Variants in CHST8 observed in about 807,000 individuals in gnomAD.
The protein encoded by CHST8 is carbohydrate sulfotransferase 8.
CHST8 carries 10 observed loss-of-function variants against 15.0 expected under a neutral mutation model. The observed-to-expected ratio is 0.67, with a 90% CI of 0.41 to 1.13. CHST8 has a LOEUF of 1.13. Ranked by LOEUF, CHST8 falls within the 50% of genes most tolerant of loss-of-function variation. CHST8 has a pLI of 0.00. For missense variants in CHST8, 634 were observed against 608.2 expected (o/e 1.04, Z -0.45); for synonymous variants, 259 against 256.6 (o/e 1.01, Z -0.09).
intron 3 of CHST8, among the ~76,000 whole-genome samples, chr19:33,762,873 T>TG (rs200939441): frequency 0.12 from 18,084 of 151,418 alleles, 1,239 homozygotes; most frequent in Admixed American, 0.15. Flanking sequence ...TCTTTTTTTT[T>TG]TTTTTTGAGA....
intron 1 of CHST8, among the ~76,000 whole-genome samples, chr19:33,632,679 C>T (rs1972137222): frequency 6.6e-6 from 1 of 152,104 alleles, no homozygotes. Flanking sequence ...CCCATGACCT[C>T]TTCCAGTCAT....
chr19:33,767,489 C>T (rs76425942), intron 3 of CHST8, among the ~76,000 whole-genome samples: 5,113 of 152,320 alleles, frequency 0.034, 254 homozygotes, highest in African/African-American at 0.11. Flanking sequence ...TTCAGCTAAA[C>T]GCTGAGAACT....
rs569689758 is a variant in CHST8, at chr19:33,661,651, G to T, written c.-163-6116G>T. Among the ~76,000 whole-genome samples, 6 of 152,196 alleles carry T rather than the reference G, an allele frequency of 3.9e-5. No homozygotes were observed. In the South Asian group the frequency reaches 6.2e-4, roughly 16 times the overall value. ...CAGTTCCTGCCCCCACTGCACGGGGGACCCTTGCTCCTTTGGCTCCCCCTG... is the reference window on the plus strand; with the variant it reads ...CAGTTCCTGCCCCCACTGCACGGGGTACCCTTGCTCCTTTGGCTCCCCCTG... On this transcript the variant is annotated intron_variant, in intron 1 of 4. Coordinates refer to ENST00000650847, the MANE Select transcript of CHST8 (RefSeq NM_001127895.2).
chr19:33,657,704 G>C (rs1972530140), intron 1 of CHST8, among the ~76,000 whole-genome samples: 1 of 151,932 alleles, frequency 6.6e-6, no homozygotes, highest in South Asian at 2.1e-4. Flanking sequence ...AAATAGCTGG[G>C]AATACAGGCA....
chr19:33,739,439 T>C (rs952355052), intron 3 of CHST8, among the ~76,000 whole-genome samples: 2 of 152,238 alleles, frequency 1.3e-5, no homozygotes, highest in African/African-American at 4.8e-5. Flanking sequence ...GATTTCATCA[T>C]CCTCAGATAT....
intron 3 of CHST8, among the ~76,000 whole-genome samples, chr19:33,757,448 A>AAG (rs1568358414): frequency 3.2e-5 from 1 of 30,774 alleles, no homozygotes; most frequent in African/African-American, 1.3e-4. Flanking sequence ...GAAAGAAAGA[A>AAG]AGAAAGAAAG....
chr19:33,665,251 CT>C (rs753677103), intron 1 of CHST8, among the ~76,000 whole-genome samples: 5 of 152,188 alleles, frequency 3.3e-5, no homozygotes, highest in Non-Finnish European at 5.9e-5. Flanking sequence ...TTACTAGCAT[CT>C]GTTATGCCAG....
At chr19:33,691,277 A>C (rs1973095743) in intron 3 of CHST8, among the ~76,000 whole-genome samples, 1 of 152,192 alleles carries the variant, frequency 6.6e-6, no homozygotes, top group Non-Finnish European at 1.5e-5. Flanking sequence ...CACGGAGCCG[A>C]GGCCATCATC....
chr19:33,636,736 A>T (rs1972209222), intron 1 of CHST8, among the ~76,000 whole-genome samples: 1 of 152,126 alleles, frequency 6.6e-6, no homozygotes. Context: ...CCCCATCTCT[A>T]CTAAAAATAC....
intron 3 of CHST8, among the ~76,000 whole-genome samples, chr19:33,690,007 CG>C (rs1973067434): frequency 6.6e-6 from 1 of 152,078 alleles, no homozygotes; most frequent in African/African-American, 2.4e-5. Flanking sequence ...TCAGGGCAGA[CG>C]GAGTGTGGAG....
chr19:33,770,088 G>T (rs1002582419), intron 3 of CHST8, among the ~76,000 whole-genome samples: 6 of 152,130 alleles, frequency 3.9e-5, no homozygotes, highest in African/African-American at 7.2e-5. Flanking sequence ...GCCTTACATT[G>T]TCTGGGGCAT....
intron 3 of CHST8, among the ~76,000 whole-genome samples, chr19:33,766,258 C>T (rs892227259): frequency 6.6e-6 from 1 of 152,030 alleles, no homozygotes; most frequent in East Asian, 1.9e-4. Flanking sequence ...GTCTCTTTCC[C>T]GCCTCCATAT....
chr19:33,731,801 C>T (rs997074930), intron 3 of CHST8, among the ~76,000 whole-genome samples: 8 of 152,184 alleles, frequency 5.3e-5, no homozygotes, highest in African/African-American at 1.9e-4. Context: ...AAGGCTGTGG[C>T]CAGATCCTCT....
rs869057036 is a variant in CHST8 at position 33,650,518 on chromosome 19, C to CTTTTTTTTTTTTTTTTTTTTTTTTTTTTT, written c.-163-17248_-163-17220dup. ...TTCTTTTTCTTTTTCTTTTTCTTTT[C>CTTTTTTTTTTTTTTTTTTTTTTTTTTTTT]TTTTTTTTTTTTTTTTTTTTTTTTT... On this transcript the variant is annotated intron_variant, in intron 1 of 4. Coordinates refer to ENST00000650847, the MANE Select transcript of CHST8 (RefSeq NM_001127895.2). Among the ~76,000 whole-genome samples, 31 of 36,110 alleles carry CTTTTTTTTTTTTTTTTTTTTTTTTTTTTT rather than the reference C, an allele frequency of 8.6e-4. 8 individuals are homozygous for CTTTTTTTTTTTTTTTTTTTTTTTTTTTTT. The highest frequency in any genetic ancestry group is 3.8e-3 in the East Asian group (4 of 1,052). The allele number at this position is 36,110 out of a possible 152,430, so 23.7% of individuals were successfully genotyped here. A position where few individuals can be genotyped will look rare whatever the true frequency, so the allele number is the denominator to read the frequency against.
In CHST8 at chr19:33,748,458, G is replaced by A. The variant is rs146567509; in HGVS notation, c.131-22955G>A. ...CGCTGGGCAGGCTCATGGCCGTGTC[G>A]CCCCAGGTTCCTTTCCCCTGAGCCT... On this transcript the variant is annotated intron_variant, in intron 3 of 4. Coordinates refer to ENST00000650847, the MANE Select transcript of CHST8 (RefSeq NM_001127895.2). 3.5e-3 allele frequency among the ~76,000 whole-genome samples: 539 copies of A among 152,344 alleles called. 2 individuals are homozygous for A. The highest frequency in any genetic ancestry group is 6.0e-3 in the Non-Finnish European group (405 of 68,028).
chr19:33,683,009 T>A (rs547577784), intron 2 of CHST8, among the ~76,000 whole-genome samples: 1 of 152,268 alleles, frequency 6.6e-6, no homozygotes, highest in South Asian at 2.1e-4. Context: ...GCCGGTCACA[T>A]GGCAAGAGAA....
chr19:33,772,426 C>T lies in CHST8; in HGVS notation c.638C>T (p.Ala213Val). 2 of 1,610,774 alleles carry T rather than the reference C, an allele frequency of 1.2e-6. No homozygotes were observed. The highest frequency in any genetic ancestry group is 1.7e-6 in the Non-Finnish European group (2 of 1,179,870). Residue 213 changes from alanine (A) to valine (V), a missense_variant, in exon 5 of 5, where the codon GCC (alanine) becomes GTC (valine). Coordinates refer to ENST00000650847, the MANE Select transcript of CHST8 (RefSeq NM_001127895.2). ...SNWKRVLMVL[A>V]GLASSTADIQ... ...TGGAAGCGGGTGCTCATGGTGCTGGCCGGCCTGGCCTCGTCCACTGCCGAC... is the reference window on the plus strand; with the variant it reads ...TGGAAGCGGGTGCTCATGGTGCTGGTCGGCCTGGCCTCGTCCACTGCCGAC...
In CHST8 at chr19:33,772,037, C is replaced by A; in HGVS notation, c.249C>A (p.Ala83=). 2 of 1,612,144 alleles carry A rather than the reference C, an allele frequency of 1.2e-6. No homozygotes were observed. The highest frequency in any genetic ancestry group is 1.7e-6 in the Non-Finnish European group (2 of 1,179,664). Residue 83 remains alanine, a synonymous_variant, in exon 5 of 5, where the codon GCC becomes GCA. Coordinates refer to ENST00000650847, the MANE Select transcript of CHST8 (RefSeq NM_001127895.2). ...TCACTCGGGACTTATCCAGTGGGGC[C>A]CCGAGGGGCCGCAACCTGCCAGCGC... ...ERVTRDLSSG[A]PRGRNLPAPD... is the part of the protein sequence containing the mutation.
In CHST8 at chr19:33,772,847, C is replaced by T. The variant is rs953275703; in HGVS notation, c.1059C>T (p.Asp353=). ...TAGGCAAGTTCGAGAGCATGGAGGA[C>T]GATGCCAACTTCTTCCTGAGCCTCA... The part of the protein sequence containing the change: ...DFVGKFESME[D]DANFFLSLIR... Residue 353 remains aspartate (D), a synonymous_variant, in exon 5 of 5, where the codon GAC becomes GAT. Transcript: ENST00000650847. The T allele has an allele frequency of 2.2e-5, 36 of 1,613,440 alleles. No individual in the cohort carries two copies. Among genetic ancestry groups the T allele is most frequent in the Non-Finnish European group, 2.7e-5 (32 of 1,180,044 alleles).
Sources: gnomAD v4.1 joint callset for allele counts (sites outside exome capture counted in the v4.1 genomes callset) on GRCh38, gnomAD v4.1.1 for gene constraint, MANE v1.5 for transcripts, NCBI Gene and HGNC (gene_info 2026-07-23, HGNC 2026-07-21) for gene names.